Variants in ULK4 observed in about 807,000 individuals in gnomAD.
The protein encoded by ULK4 is inactive serine/threonine-protein kinase ULK4.
In ULK4, 133 loss-of-function variants were observed where a neutral mutation model predicts 160.6. The ratio of observed to expected loss-of-function variants is 0.83; its 90% CI spans 0.72 to 0.96. The LOEUF (loss-of-function observed/expected upper bound fraction) is 0.96, where lower values mean the gene tolerates loss of function less well. ULK4 is among the 40% of genes least tolerant of loss of function. The probability of loss-of-function intolerance (pLI) is 0.00; values close to 1 mark genes in which losing one functional copy is unlikely to be tolerated. For synonymous variants in ULK4, 534 were observed against 539.8 expected (o/e 0.99, Z 0.15); for missense variants, 1,580 against 1,499.5 (o/e 1.05, Z -0.89).
At chr3:41,862,861 C>T (rs1291952731) in intron 17 of ULK4, among the ~76,000 whole-genome samples, 1 of 150,116 alleles carries the variant, frequency 6.7e-6, no homozygotes, top group Non-Finnish European at 1.5e-5. Context: ...GGTGGAGTGA[C>T]ACAAGCACCC....
intron 8 of ULK4, among the ~76,000 whole-genome samples, chr3:41,913,746 T>C (rs1426996446): frequency 4.6e-5 from 7 of 152,092 alleles, no homozygotes; most frequent in Admixed American, 4.6e-4. Flanking sequence ...GTAGATTGCT[T>C]GAGTCCATGA....
At chr3:41,267,016 A>C (rs2079047003) in intron 35 of ULK4, among the ~76,000 whole-genome samples, 1 of 65,680 alleles carries the variant, frequency 1.5e-5, no homozygotes, top group Non-Finnish European at 2.7e-5. Flanking sequence ...CTGTGTCTCT[A>C]TTGGGGGGGG....
At chr3:41,693,437 T>C (rs983531065) in intron 27 of ULK4, among the ~76,000 whole-genome samples, 2 of 152,184 alleles carry the variant, frequency 1.3e-5, no homozygotes, top group African/African-American at 4.8e-5. Context: ...AACTACCTAG[T>C]GGGCCAAACA....
At chr3:41,592,605 T>C (rs2031423916) in intron 31 of ULK4, among the ~76,000 whole-genome samples, 1 of 152,200 alleles carries the variant, frequency 6.6e-6, no homozygotes, top group African/African-American at 2.4e-5. Context: ...AAATTTGTTG[T>C]CAAAACATTA....
chr3:41,760,674 C>T (rs2038956382), intron 21 of ULK4, among the ~76,000 whole-genome samples: 1 of 152,112 alleles, frequency 6.6e-6, no homozygotes, highest in East Asian at 1.9e-4. Context: ...TTATTTTATA[C>T]AAGGTGTATA....
intron 32 of ULK4, among the ~76,000 whole-genome samples, chr3:41,472,773 G>A (rs889502940): frequency 2.0e-5 from 3 of 152,066 alleles, no homozygotes; most frequent in Non-Finnish European, 4.4e-5. Context: ...TTCTTTTTAT[G>A]AGCCCAGCAT....
chr3:41,935,996 CCT>C (rs58069203), intron 3 of ULK4, 56 bp from the exon 4 acceptor site: 1,300,300 of 1,597,902 alleles, frequency 0.81, 533,747 homozygotes, highest in East Asian at 0.85. Flanking sequence ...ACAGAGTGCC[CCT>C]GAGAGGTTCC....
At chr3:41,275,918 T>C (rs1194417869) in intron 35 of ULK4, among the ~76,000 whole-genome samples, 1 of 152,224 alleles carries the variant, frequency 6.6e-6, no homozygotes, top group East Asian at 1.9e-4. Flanking sequence ...TGTCTATGGA[T>C]GTATTAAAGA....
chr3:41,400,702 C>G (rs1392715359), intron 34 of ULK4, among the ~76,000 whole-genome samples: 1 of 152,122 alleles, frequency 6.6e-6, no homozygotes, highest in African/African-American at 2.4e-5. Context: ...AGTACAATGG[C>G]TGGGTTGTAT....
rs1290117023 is a variant in ULK4, at chr3:41,717,728, C to T, written c.2455G>A (p.Gly819Ser). The T allele has an allele frequency of 1.2e-6, 2 of 1,610,206 alleles. No homozygotes were observed. The highest frequency in any genetic ancestry group is 4.5e-5 in the East Asian group (2 of 44,798). Residue 819 changes from glycine to serine, a missense_variant and splice_region_variant, in exon 23 of 37, where the codon GGT (glycine) becomes AGT (serine). Transcript: ENST00000301831. ...GCCTGAGGATGAGACTCCAATTTAC[C>T]CAGGATTCGTGGCAGCTCCTGCACA... ...HIVQELPRILGDILNSLANVS... is the reference protein window; with the variant it reads ...HIVQELPRILSDILNSLANVS...
chr3:41,906,216 C>CAAAAAA (rs58001920), intron 12 of ULK4, among the ~76,000 whole-genome samples: 41,618 of 66,598 alleles, frequency 0.62, 14,949 homozygotes, highest in East Asian at 0.86. Context: ...GACTCCGTCT[C>CAAAAAA]AAAAAAAAAA....
intron 35 of ULK4, among the ~76,000 whole-genome samples, chr3:41,368,921 A>G (rs1430964882): frequency 6.6e-6 from 1 of 152,196 alleles, no homozygotes; most frequent in Non-Finnish European, 1.5e-5. Context: ...TTTTTCAAAA[A>G]TAGTACATCA....
chr3:41,911,434 T>C (rs780391266), intron 10 of ULK4, 48 bp from the exon 11 acceptor site: 6 of 1,602,006 alleles, frequency 3.7e-6, no homozygotes, highest in Non-Finnish European at 5.1e-6. Flanking sequence ...AAAAATATCA[T>C]ATGCAAGGCA....
chr3:41,872,021 C>T (rs1302009810), intron 17 of ULK4, among the ~76,000 whole-genome samples: 2 of 152,154 alleles, frequency 1.3e-5, no homozygotes, highest in Non-Finnish European at 2.9e-5. Context: ...TGGCAAGTAG[C>T]GTCTGTCCAG....
intron 17 of ULK4, among the ~76,000 whole-genome samples, chr3:41,874,766 G>C (rs73081370): frequency 0.12 from 18,842 of 152,164 alleles, 1,353 homozygotes; most frequent in Middle Eastern, 0.27. Context: ...ACACTACTCA[G>C]GTGACCAGTG....
At chr3:41,834,319 G>A (rs1047848900) in intron 18 of ULK4, among the ~76,000 whole-genome samples, 8 of 151,924 alleles carry the variant, frequency 5.3e-5, no homozygotes, top group Non-Finnish European at 1.0e-4. Flanking sequence ...TTGTGCATTG[G>A]AGGACTATAT....
At chr3:41,942,845 TTAAATAAA>T (rs60130248) in intron 2 of ULK4, among the ~76,000 whole-genome samples, 12 of 151,666 alleles carry the variant, frequency 7.9e-5, no homozygotes, top group African/African-American at 2.7e-4. Flanking sequence ...TTTCATTAAA[TTAAATAAA>T]TAAATAGTTT....
intron 30 of ULK4, among the ~76,000 whole-genome samples, chr3:41,661,484 G>A (rs1246423886): frequency 7.2e-6 from 1 of 138,110 alleles, no homozygotes; most frequent in African/African-American, 3.5e-5. Context: ...CAGATAGGCA[G>A]GCAGATAGAC....
intron 32 of ULK4, among the ~76,000 whole-genome samples, chr3:41,531,451 G>A (rs1289560365): frequency 8.7e-5 from 2 of 22,990 alleles, no homozygotes; most frequent in Non-Finnish European, 7.3e-5. Context: ...AAAAAGAGGG[G>A]AGGGGAGGGG....
Sources: gnomAD v4.1 joint callset for allele counts (sites outside exome capture counted in the v4.1 genomes callset) on GRCh38, gnomAD v4.1.1 for gene constraint, MANE v1.5 for transcripts, NCBI Gene and HGNC (gene_info 2026-07-23, HGNC 2026-07-21) for gene names.